Variants in GUCY2F observed in about 807,000 individuals in gnomAD.
GUCY2F encodes the protein guanylate cyclase 2F, retinal, also known as retinal guanylyl cyclase 2.
In GUCY2F, 61 loss-of-function variants were observed where a neutral mutation model predicts 73.1. The ratio of observed to expected loss-of-function variants is 0.83; its 90% CI spans 0.68 to 1.03. The LOEUF is 1.03. GUCY2F is among the 50% of genes least tolerant of loss of function. GUCY2F has a pLI of 0.00. For missense variants in GUCY2F, 912 were observed against 854.3 expected, an observed-to-expected ratio of 1.07 and a Z score of -0.84; for synonymous variants, 331 against 307.8, an observed-to-expected ratio of 1.08 and a Z score of -0.79.
chrX:109,436,377 C>T (rs746401019), intron 7 of GUCY2F, among the ~76,000 whole-genome samples: 77 of 110,791 alleles, frequency 7.0e-4, no homozygotes, highest in East Asian at 5.6e-4. Context: ...GTCAGTGTGG[C>T]GATTCCTCAG....
chrX:109,411,255 C>CA (rs60845603), intron 8 of GUCY2F, among the ~76,000 whole-genome samples: 722 of 43,015 alleles, frequency 0.017, 6 homozygotes, highest in East Asian at 0.065. Flanking sequence ...ACTCCATTTT[C>CA]AAAAAAAAAA....
At chrX:109,408,422 C>A (rs183846112) in intron 9 of GUCY2F, among the ~76,000 whole-genome samples, 2 of 112,109 alleles carry the variant, frequency 1.8e-5, no homozygotes, top group Admixed American at 1.9e-4. Flanking sequence ...GGACTGTGGA[C>A]TTTTGGGTTA....
Position 109,398,584 on chromosome X carries a change from C to A in GUCY2F, c.2240G>T (p.Gly747Val). The A allele has an allele frequency of 8.3e-7, 1 of 1,209,392 alleles. No homozygotes were observed. The highest frequency in any genetic ancestry group is 1.8e-5 in the South Asian group (1 of 56,807). The change falls in exon 11 of 20, where the codon GGT becomes GTT. Residue 747 changes from glycine (G) to valine (V), a missense_variant. Transcript: ENST00000218006. ...AIIMQEVMVR[G>V]TPFCMMDLPA... ...CAGATCCATCATGCAGAATGGGGTA[C>A]CCCGGACCATCACTTCTTGCATGAT...
chrX:109,449,579 C>T (rs1186783803), intron 5 of GUCY2F, among the ~76,000 whole-genome samples: 2 of 112,064 alleles, frequency 1.8e-5, no homozygotes, highest in Non-Finnish European at 3.8e-5. Flanking sequence ...CATTAATTAG[C>T]CAGGTCCAGG....
chrX:109,465,198 C>T lies in GUCY2F; in HGVS notation c.976G>A (p.Ala326Thr). Reference protein sequence around the residue: ...VESQEKTFYQAFTEAAARGEI... With the variant: ...VESQEKTFYQTFTEAAARGEI... ...CCTCTTGCTGCTGCCTCTGTGAAGG[C>T]TTGATAGAAGGTCTTTTCTTGGGAC... Residue 326 changes from alanine to threonine, a missense_variant, in exon 3 of 20, where the codon GCC (alanine) becomes ACC (threonine). Transcript: ENST00000218006. The T allele has an allele frequency of 8.3e-7, 1 of 1,210,296 alleles. No individual in the cohort carries two copies. Among genetic ancestry groups the T allele is most frequent in the Non-Finnish European group, 1.1e-6 (1 of 894,103 alleles).
At chrX:109,398,415 A>C (rs1473249024) in intron 11 of GUCY2F, 134 bp downstream of exon 11, 24 of 578,037 alleles carry the variant, frequency 4.2e-5, no homozygotes, top group Non-Finnish European at 6.6e-5. Context: ...TCCCACCTGT[A>C]CATAACTTGA....
chrX:109,383,389 G>T, intron 16 of GUCY2F: 1 of 729,128 alleles, frequency 1.4e-6, no homozygotes. Context: ...ATGGTAGGGA[G>T]AATCACTCCA....
At chrX:109,407,678 C>T (rs1931006863) in intron 9 of GUCY2F, among the ~76,000 whole-genome samples, 1 of 113,066 alleles carries the variant, frequency 8.8e-6, no homozygotes, top group South Asian at 3.6e-4. Flanking sequence ...GGACTTGGTT[C>T]CCTGTGTCCC....
chrX:109,407,620 G>T lies in GUCY2F; in HGVS notation c.1968+1372C>A, dbSNP rs199663887. Among the ~76,000 whole-genome samples, 6 of 112,916 alleles carry T rather than the reference G, an allele frequency of 5.3e-5. No individual in the cohort carries two copies. In the Admixed American group the frequency reaches 5.6e-4, roughly 10 times the overall value. On this transcript the variant is annotated intron_variant, in intron 9 of 19. Transcript: ENST00000218006. ...AGGCCTGGAGGCCCAGGAGGAAAAC[G>T]TGGTTTCATGGGCTGGGCCCAGGGT...
chrX:109,446,788 A>G (rs906551627), intron 6 of GUCY2F, among the ~76,000 whole-genome samples: 1 of 112,154 alleles, frequency 8.9e-6, no homozygotes, highest in Non-Finnish European at 1.9e-5. Flanking sequence ...ATCTAATTAA[A>G]CTAAAGAGCT....
At chrX:109,431,495 G>A (rs1297048861) in intron 7 of GUCY2F, among the ~76,000 whole-genome samples, 1 of 110,243 alleles carries the variant, frequency 9.1e-6, no homozygotes, top group Admixed American at 9.6e-5. Context: ...TCAGGAGATC[G>A]AGACCATCCT....
At chrX:109,379,108 G>A (rs1378191405) in intron 17 of GUCY2F, among the ~76,000 whole-genome samples, 1 of 112,378 alleles carries the variant, frequency 8.9e-6, no homozygotes, top group East Asian at 2.8e-4. Context: ...TATTTGCTAA[G>A]TGAAATAAGC....
At chrX:109,416,218 G>A (rs954745024) in intron 8 of GUCY2F, among the ~76,000 whole-genome samples, 2 of 110,698 alleles carry the variant, frequency 1.8e-5, no homozygotes, top group Non-Finnish European at 3.8e-5. Flanking sequence ...AAGGTCAATA[G>A]AAATTCATCC....
chrX:109,478,284 C>A (rs1603387041), intron 1 of GUCY2F, among the ~76,000 whole-genome samples: 1 of 112,565 alleles, frequency 8.9e-6, no homozygotes, highest in East Asian at 2.8e-4. Context: ...CCAGCTTCTT[C>A]CAGCCTCCCT....
chrX:109,448,521 C>T (rs1932073508), intron 5 of GUCY2F, among the ~76,000 whole-genome samples: 1 of 112,289 alleles, frequency 8.9e-6, no homozygotes, highest in South Asian at 3.7e-4. Context: ...GAACTCAACA[C>T]CCTTTCTCAT....
intron 8 of GUCY2F, among the ~76,000 whole-genome samples, chrX:109,416,332 G>T (rs961277070): frequency 9.0e-6 from 1 of 111,010 alleles, no homozygotes; most frequent in Non-Finnish European, 1.9e-5. Context: ...GAATATATGG[G>T]TATAGAACAT....
Position 109,393,036 on chromosome X carries a change from C to T in GUCY2F, c.2444G>A (p.Gly815Glu). 1.8e-6 allele frequency: 2 copies of T among 1,099,841 alleles called. No homozygotes were observed. Among genetic ancestry groups the T allele is most frequent in the African/African-American group, 3.6e-5 (2 of 55,018 alleles). 90.6% of individuals were successfully genotyped at this position (1,099,841 alleles called of 1,213,427 possible). ...IFNQFKTFNK[G>E]KKTNIIDSML... is the part of the protein sequence containing the mutation. Reference sequence around the variant, plus strand: ...AGAATCAATAATATTGGTCTTCTTCCCTTTATTAAAAGTTTTAAACTGGAA... The same window carrying T: ...AGAATCAATAATATTGGTCTTCTTCTCTTTATTAAAAGTTTTAAACTGGAA... The change falls in exon 13 of 20, where the codon GGG becomes GAG. Residue 815 changes from glycine to glutamate, a missense_variant. Transcript: ENST00000218006.
intron 17 of GUCY2F, among the ~76,000 whole-genome samples, chrX:109,380,645 A>G (rs758919579): frequency 2.7e-5 from 3 of 111,667 alleles, no homozygotes; most frequent in African/African-American, 6.5e-5. Context: ...AATGTTCCCA[A>G]ATTCCCTGGG....
chrX:109,468,076 C>T (rs913990063), intron 2 of GUCY2F, among the ~76,000 whole-genome samples: 1 of 111,529 alleles, frequency 9.0e-6, no homozygotes, highest in Non-Finnish European at 1.9e-5. Flanking sequence ...GTTCAGTTCT[C>T]TCTGCCCAAT....
Sources: gnomAD v4.1 joint callset for allele counts (sites outside exome capture counted in the v4.1 genomes callset) on GRCh38, gnomAD v4.1.1 for gene constraint, MANE v1.5 for transcripts, NCBI Gene and HGNC (gene_info 2026-07-23, HGNC 2026-07-21) for gene names.